The following ZNF618 variants were observed in gnomAD, a reference collection of about 807,000 sequenced individuals.
The protein encoded by ZNF618 is zinc finger protein 618.
A neutral mutation model predicts 103.0 loss-of-function variants in ZNF618; 34 were observed. The ratio of observed to expected loss-of-function variants is 0.33; its 90% CI spans 0.25 to 0.44. ZNF618 has a LOEUF of 0.44. Ranked by LOEUF, ZNF618 falls within the 20% of genes least tolerant of loss-of-function variation. ZNF618 has a pLI of 1.00. For missense variants in ZNF618, 1,059 were observed against 1,295.4 expected (o/e 0.82, Z 2.80); for synonymous variants, 551 against 542.2 (o/e 1.02, Z -0.23).
chr9:114,002,631 A>G lies in ZNF618; in HGVS notation c.519A>G (p.Glu173=), dbSNP rs771532255. ...CTCTCTCTCTCTTTGCAGACACCGAAGCCACCTCAGGGGAGGGAGCCTCCC... is the reference window on the plus strand; with the variant it reads ...CTCTCTCTCTCTTTGCAGACACCGAGGCCACCTCAGGGGAGGGAGCCTCCC... ...QTHVRAHRDT[E]ATSGEGASQS... Residue 173 remains glutamate (E), a synonymous_variant, in exon 6 of 15, where the codon GAA becomes GAG. Coordinates refer to ENST00000374126, the MANE Select transcript of ZNF618 (RefSeq NM_001318042.2). 9 of 1,610,730 alleles carry G rather than the reference A, an allele frequency of 5.6e-6. No individual in the cohort carries two copies. The East Asian group carries it at 1.8e-4, about 32-fold the overall frequency.
At chr9:113,927,956 G>GT (rs1833247325) in intron 1 of ZNF618, among the ~76,000 whole-genome samples, 1 of 152,178 alleles carries the variant, frequency 6.6e-6, no homozygotes, top group African/African-American at 2.4e-5. Context: ...AGGGGCAGTG[G>GT]TTTGCTCTGT....
chr9:114,042,807 C>T (rs900239775), intron 13 of ZNF618, among the ~76,000 whole-genome samples: 14 of 152,230 alleles, frequency 9.2e-5, no homozygotes, highest in Admixed American at 2.0e-4. Flanking sequence ...CCAGCCTGGG[C>T]GACAGAGCAA....
chr9:114,016,247 C>T, intron 9 of ZNF618: 1 of 1,375,762 alleles, frequency 7.3e-7, no homozygotes, highest in Non-Finnish European at 1.0e-6. Context: ...TGCTTGGGGG[C>T]AGGGAAGGTC....
intron 3 of ZNF618, among the ~76,000 whole-genome samples, chr9:113,990,829 A>G (rs1021804655): frequency 1.3e-5 from 2 of 152,160 alleles, no homozygotes; most frequent in Non-Finnish European, 1.5e-5. Context: ...GGAGTGACTT[A>G]GGCCAGTGTG....
intron 2 of ZNF618, among the ~76,000 whole-genome samples, chr9:113,985,107 T>C (rs1266343786): frequency 6.6e-6 from 1 of 152,226 alleles, no homozygotes; most frequent in African/African-American, 2.4e-5. Context: ...TACGTAGACA[T>C]TACTTTGTTT....
chr9:114,032,098 T>C (rs1054456595), intron 11 of ZNF618, among the ~76,000 whole-genome samples: 3 of 152,228 alleles, frequency 2.0e-5, no homozygotes, highest in Non-Finnish European at 4.4e-5. Flanking sequence ...GACCAGACTT[T>C]GCCTGGGTTT....
At chr9:113,920,708 C>T (rs373917851) in intron 1 of ZNF618, among the ~76,000 whole-genome samples, 2 of 152,130 alleles carry the variant, frequency 1.3e-5, no homozygotes, top group Admixed American at 1.3e-4. Flanking sequence ...GGCCAAGAGT[C>T]GCAATTTTTA....
intron 6 of ZNF618, among the ~76,000 whole-genome samples, chr9:114,006,145 C>T (rs775466885): frequency 1.4e-4 from 21 of 152,194 alleles, no homozygotes; most frequent in Non-Finnish European, 2.9e-4. Flanking sequence ...AACCTTCCCA[C>T]GGAATTACCT....
chr9:113,971,697 C>T (rs549279042), intron 2 of ZNF618, among the ~76,000 whole-genome samples: 5 of 152,172 alleles, frequency 3.3e-5, no homozygotes, highest in African/African-American at 9.7e-5. Context: ...GCAGGTTTTC[C>T]CACGGTGGCT....
chr9:113,999,330 G>T (rs1475742951), intron 4 of ZNF618, among the ~76,000 whole-genome samples: 5 of 150,004 alleles, frequency 3.3e-5, no homozygotes, highest in African/African-American at 9.9e-5. Context: ...TTTAGGCTGA[G>T]CGAGGGGCAG....
intron 9 of ZNF618, among the ~76,000 whole-genome samples, chr9:114,010,980 A>G (rs956340829): frequency 1.3e-5 from 2 of 152,110 alleles, no homozygotes; most frequent in African/African-American, 4.8e-5. Flanking sequence ...ACATCTCTGA[A>G]TTTTCCAGTG....
chr9:113,879,811 A>G (rs10817529), intron 1 of ZNF618, among the ~76,000 whole-genome samples: 67,771 of 150,470 alleles, frequency 0.45, 15,843 homozygotes, highest in African/African-American at 0.59. Context: ...TTTTTCTAAC[A>G]AGGTTTGAAA....
chr9:113,986,328 C>T (rs1839474180), intron 2 of ZNF618, among the ~76,000 whole-genome samples: 1 of 152,248 alleles, frequency 6.6e-6, no homozygotes, highest in African/African-American at 2.4e-5. Context: ...CCAGCATGCC[C>T]TTGCACTCGT....
rs145721332 is a variant in ZNF618, at chr9:114,007,828, A to C, written c.640+389A>C. Among the ~76,000 whole-genome samples, 353 of 152,350 alleles carry C rather than the reference A, an allele frequency of 2.3e-3. 3 individuals carry two copies. Among genetic ancestry groups the C allele is most frequent in the African/African-American group, 7.3e-3 (305 of 41,582 alleles). ...ATACAATTAGAAATTAGAATAATAC[A>C]TTTAGCCAACACATATTTGAGTCTC... On this transcript the variant is annotated intron_variant, in intron 7 of 14. Transcript: ENST00000374126.
chr9:113,994,999 C>T (rs1840430860), intron 3 of ZNF618, among the ~76,000 whole-genome samples: 1 of 151,622 alleles, frequency 6.6e-6, no homozygotes, highest in Non-Finnish European at 1.5e-5. Flanking sequence ...CCAAGGGAAT[C>T]CAAACACTAC....
At chr9:113,923,180 T>C (rs571762381) in intron 1 of ZNF618, among the ~76,000 whole-genome samples, 5 of 152,358 alleles carry the variant, frequency 3.3e-5, no homozygotes, top group African/African-American at 1.2e-4. Flanking sequence ...TTCCAGTTTT[T>C]AAAATGGATT....
Position 114,053,863 on chromosome 9 carries a change from G to GC in ZNF618, c.*3698dup, listed in dbSNP as rs1330732144. The GC allele has an allele frequency of 6.6e-6, 1 of 152,286 alleles. No individual in the cohort carries two copies. The highest frequency in any genetic ancestry group is 2.4e-5 in the African/African-American group (1 of 41,452). 9.4% of individuals were successfully genotyped at this position (152,286 alleles called of 1,614,324 possible). ...GAGGTTCGCTGCACAGAGGCCACCT[G>GC]CCGCATCACCAGTGAGGAAGCTTTG... On this transcript the variant is annotated 3_prime_UTR_variant, in exon 15 of 15. Coordinates refer to ENST00000374126, the MANE Select transcript of ZNF618 (RefSeq NM_001318042.2).
intron 2 of ZNF618, among the ~76,000 whole-genome samples, chr9:113,981,214 G>A (rs1341354332): frequency 1.3e-5 from 2 of 152,112 alleles, no homozygotes; most frequent in African/African-American, 4.8e-5. Flanking sequence ...ACTGTAATTA[G>A]AGGCTTTTTT....
chr9:114,030,866 A>T (rs1051134868), intron 11 of ZNF618: 13 of 152,170 alleles, frequency 8.5e-5, no homozygotes, highest in African/African-American at 2.9e-4. Flanking sequence ...GCAGTGTAAG[A>T]GTTTGCAGCC....
Sources: gnomAD v4.1 joint callset for allele counts (sites outside exome capture counted in the v4.1 genomes callset) on GRCh38, gnomAD v4.1.1 for gene constraint, MANE v1.5 for transcripts, NCBI Gene and HGNC (gene_info 2026-07-23, HGNC 2026-07-21) for gene names.